The following CLASP1 variants were observed in gnomAD, a reference collection of about 807,000 sequenced individuals.
The protein encoded by CLASP1 is cytoplasmic linker associated protein 1.
A neutral mutation model predicts 192.3 loss-of-function variants in CLASP1; 38 were observed. The observed-to-expected ratio is 0.20, with a 90% CI of 0.15 to 0.26. The LOEUF (loss-of-function observed/expected upper bound fraction) is 0.26. CLASP1 is among the 10% of genes least tolerant of loss of function. CLASP1 has a pLI of 1.00. For missense variants in CLASP1, 1,433 were observed against 1,932.5 expected, an observed-to-expected ratio of 0.74 and a Z score of 4.85; for synonymous variants, 691 against 712.8, an observed-to-expected ratio of 0.97 and a Z score of 0.49.
At chr2:121,513,211 T>C (rs2094189421) in intron 7 of CLASP1, 1 of 152,206 alleles carries the variant, frequency 6.6e-6, no homozygotes, top group Admixed American at 6.5e-5. Flanking sequence ...AAGTTTCAGC[T>C]TCTCTCACTA....
At chr2:121,430,122 T>G in exon 20 of CLASP1, 1 of 1,578,700 alleles carries the variant, frequency 6.3e-7, no homozygotes, top group Non-Finnish European at 8.6e-7. Context: ...GGTTATCAGG[T>G]GTAGAGGCGA....
At chr2:121,605,118 C>G (rs1022436622) in intron 2 of CLASP1, among the ~76,000 whole-genome samples, 3 of 146,678 alleles carry the variant, frequency 2.0e-5, no homozygotes, top group African/African-American at 7.6e-5. Context: ...GGGACCTGGC[C>G]CCCACCCCCA....
At chr2:121,448,402 T>G (rs1394607431) in intron 17 of CLASP1, 77 bp from the exon 18 acceptor site, 1 of 1,249,786 alleles carries the variant, frequency 8.0e-7, no homozygotes, top group African/African-American at 1.5e-5. Flanking sequence ...AACAGGAAAT[T>G]ATTACAATGA....
chr2:121,530,361 G>C (rs944485606), intron 2 of CLASP1, 36 bp from the exon 3 acceptor site: 48 of 1,513,748 alleles, frequency 3.2e-5, no homozygotes, highest in Admixed American at 2.4e-4. Flanking sequence ...GTTAGCAGCC[G>C]GCCTGCGGGG....
At chr2:121,484,007 G>A (rs1386779043) in intron 8 of CLASP1, among the ~76,000 whole-genome samples, 3 of 152,130 alleles carry the variant, frequency 2.0e-5, no homozygotes, top group African/African-American at 7.2e-5. Context: ...GGGTATACAG[G>A]CCACACAACT....
chr2:121,489,758 T>A (rs930288821), intron 8 of CLASP1, among the ~76,000 whole-genome samples: 1 of 152,262 alleles, frequency 6.6e-6, no homozygotes, highest in Non-Finnish European at 1.5e-5. Flanking sequence ...TGTACATTTT[T>A]GCATTTTAAA....
At chr2:121,621,707 T>C (rs1388038987) in intron 1 of CLASP1, among the ~76,000 whole-genome samples, 1 of 152,248 alleles carries the variant, frequency 6.6e-6, no homozygotes, top group East Asian at 1.9e-4. Context: ...GTCTCAATTA[T>C]TGTAACTTTG....
At chr2:121,407,706 C>A (rs1190304153) in exon 25 of CLASP1, 1 of 1,613,902 alleles carries the variant, frequency 6.2e-7, no homozygotes, top group Admixed American at 1.7e-5. Context: ...CTCCTCCTCA[C>A]AGGCTTCTTC....
chr2:121,396,142 C>T (rs1437934153), intron 30 of CLASP1, among the ~76,000 whole-genome samples: 1 of 152,138 alleles, frequency 6.6e-6, no homozygotes, highest in East Asian at 1.9e-4. Flanking sequence ...GGACTGTGAA[C>T]TATTAATCTA....
intron 30 of CLASP1, 143 bp from the exon 32 acceptor site, chr2:121,388,049 G>A (rs1393488981): frequency 1.7e-6 from 1 of 603,250 alleles, no homozygotes; most frequent in Non-Finnish European, 2.8e-6. Flanking sequence ...AGCATCTGAA[G>A]AAAATAATAC....
chr2:121,644,346 A>G (rs13383636), intron 1 of CLASP1, among the ~76,000 whole-genome samples: 27,906 of 150,798 alleles, frequency 0.19, 4,541 homozygotes, highest in African/African-American at 0.44. Flanking sequence ...TTTAAAGGAC[A>G]TTAAAAAAAA....
At chr2:121,573,764 T>A (rs1231711311) in intron 2 of CLASP1, among the ~76,000 whole-genome samples, 1 of 152,168 alleles carries the variant, frequency 6.6e-6, no homozygotes, top group Admixed American at 6.5e-5. Context: ...ATAAAAAGGA[T>A]CTCTCTATAT....
At chr2:121,359,048 A>C (rs995642016) in intron 37 of CLASP1, among the ~76,000 whole-genome samples, 3 of 152,258 alleles carry the variant, frequency 2.0e-5, no homozygotes, top group African/African-American at 7.2e-5. Flanking sequence ...AGTTTAAATA[A>C]AACATTTACT....
At chr2:121,573,767 C>CT (rs1365344565) in intron 2 of CLASP1, among the ~76,000 whole-genome samples, 1 of 152,132 alleles carries the variant, frequency 6.6e-6, no homozygotes, top group East Asian at 1.9e-4. Context: ...AAAAGGATCT[C>CT]TCTATATTTT....
intron 14 of CLASP1, among the ~76,000 whole-genome samples, chr2:121,453,613 T>A (rs1295379239): frequency 6.6e-6 from 1 of 152,250 alleles, no homozygotes; most frequent in East Asian, 1.9e-4. Context: ...TTCACCCTTT[T>A]GCCTGTGGCA....
intron 2 of CLASP1, among the ~76,000 whole-genome samples, chr2:121,561,032 G>A (rs1278633877): frequency 2.6e-5 from 4 of 152,172 alleles, no homozygotes; most frequent in South Asian, 2.1e-4. Context: ...TCAGCCTCCC[G>A]AGTAGCTGGG....
At chr2:121,615,765 C>A (rs2066346802) in intron 1 of CLASP1, among the ~76,000 whole-genome samples, 1 of 151,788 alleles carries the variant, frequency 6.6e-6, no homozygotes, top group Admixed American at 6.6e-5. Flanking sequence ...GCCTGGGTGA[C>A]AAAGCAAGAC....
At chr2:121,528,027 G>C in intron 4 of CLASP1, 137 bp from the exon 5 acceptor site, 1 of 609,034 alleles carries the variant, frequency 1.6e-6, no homozygotes, top group East Asian at 2.8e-5. Flanking sequence ...ATCCTCTCGA[G>C]AGCATACTGG....
chr2:121,387,694 G>C, intron 31 of CLASP1, 69 bp downstream of exon 32: 1 of 1,472,892 alleles, frequency 6.8e-7, no homozygotes, highest in Admixed American at 1.8e-5. Context: ...TATTAGAGTA[G>C]GTTCTAGATA....
Sources: gnomAD v4.1 joint callset for allele counts (sites outside exome capture counted in the v4.1 genomes callset) on GRCh38, gnomAD v4.1.1 for gene constraint, MANE v1.5 for transcripts, NCBI Gene and HGNC (gene_info 2026-07-23, HGNC 2026-07-21) for gene names.